The following CFAP52 variants were observed in gnomAD, a reference collection of about 807,000 sequenced individuals.
The protein encoded by CFAP52 is cilia- and flagella-associated protein 52.
CFAP52 carries 57 observed loss-of-function variants against 70.5 expected under a neutral mutation model. That is an observed-to-expected ratio of 0.81 (90% CI 0.65 to 1.01). The LOEUF is 1.01. Ranked by LOEUF, CFAP52 falls within the 50% of genes least tolerant of loss-of-function variation. The pLI, the probability that CFAP52 is intolerant of heterozygous loss-of-function variation, is 0.00. For missense variants in CFAP52, 785 were observed against 788.5 expected (o/e 1.00, Z 0.05); for synonymous variants, 267 against 292.5 (o/e 0.91, Z 0.89).
rs573788480 is a variant in CFAP52, at chr17:9,643,405, A to C, written c.*207A>C. ...TTCAAGAATAATTTGTGCAGACTCT[A>C]ATTAGAACTTTTAACATTTTGAATA... On this transcript the variant is annotated 3_prime_UTR_variant, in exon 14 of 14. Coordinates refer to ENST00000352665, the MANE Select transcript of CFAP52 (RefSeq NM_145054.5). 2 of 424,820 alleles carry C rather than the reference A, an allele frequency of 4.7e-6. No individual in the cohort carries two copies. Among genetic ancestry groups the C allele is most frequent in the East Asian group, 7.5e-5 (2 of 26,612 alleles). The allele number at this position is 424,820 out of a possible 1,614,324, so 26.3% of individuals were successfully genotyped here.
chr17:9,631,042 G>A (rs1352212441), intron 9 of CFAP52, among the ~76,000 whole-genome samples: 5 of 89,332 alleles, frequency 5.6e-5, no homozygotes, highest in African/African-American at 1.5e-4. Flanking sequence ...GAGAGAGAGA[G>A]AGAGAGAGAG....
chr17:9,605,494 A>G (rs1597780496), intron 6 of CFAP52, among the ~76,000 whole-genome samples: 2 of 151,980 alleles, frequency 1.3e-5, no homozygotes, highest in Non-Finnish European at 2.9e-5. Flanking sequence ...CGAGCAGATC[A>G]TGAGGTCAAG....
intron 3 of CFAP52, among the ~76,000 whole-genome samples, chr17:9,591,030 CTT>C (rs34888799): frequency 1.2e-3 from 92 of 76,766 alleles, no homozygotes; most frequent in African/African-American, 4.7e-3. Context: ...TTGCATGCAT[CTT>C]TTTTTTTTTT....
At chr17:9,591,509 A>T (rs1908760469) in intron 3 of CFAP52, among the ~76,000 whole-genome samples, 1 of 152,176 alleles carries the variant, frequency 6.6e-6, no homozygotes, top group African/African-American at 2.4e-5. Flanking sequence ...ATAGTATTCC[A>T]TTGTACAGAT....
chr17:9,593,214 A>AT (rs1174873140), intron 3 of CFAP52, among the ~76,000 whole-genome samples: 4 of 152,084 alleles, frequency 2.6e-5, no homozygotes, highest in African/African-American at 9.6e-5. Context: ...CCTCCCCAGC[A>AT]TTTTTTTGTA....
At chr17:9,596,924 G>A (rs1909044754) in intron 4 of CFAP52, among the ~76,000 whole-genome samples, 1 of 151,918 alleles carries the variant, frequency 6.6e-6, no homozygotes. Flanking sequence ...CACCATGTTG[G>A]CCAGGCTGGT....
At chr17:9,596,063 A>ATATATG (rs1555541614) in intron 4 of CFAP52, among the ~76,000 whole-genome samples, 2 of 48,982 alleles carry the variant, frequency 4.1e-5, no homozygotes, top group African/African-American at 1.6e-4. Flanking sequence ...GTGTGTGTAT[A>ATATATG]TATATATATA....
At chr17:9,600,693 T>C (rs11656370) in intron 6 of CFAP52, among the ~76,000 whole-genome samples, 30,194 of 152,084 alleles carry the variant, frequency 0.2, 3,286 homozygotes, top group East Asian at 0.45. Context: ...GCCTCCCAAG[T>C]AGCTGGGACT....
chr17:9,577,440 A>C (rs1258198812), intron 1 of CFAP52, among the ~76,000 whole-genome samples: 1 of 152,190 alleles, frequency 6.6e-6, no homozygotes, highest in Non-Finnish European at 1.5e-5. Context: ...CTGGGAAGAA[A>C]AAGCTGTGGG....
chr17:9,612,562 T>TA (rs1296931973), intron 8 of CFAP52, 83 bp downstream of exon 8: 2 of 1,432,064 alleles, frequency 1.4e-6, no homozygotes, highest in Admixed American at 2.2e-5. Context: ...TTTTCAATAT[T>TA]AATGAACATA....
At chr17:9,585,465 A>G (rs34343666) in intron 1 of CFAP52, among the ~76,000 whole-genome samples, 7,137 of 152,152 alleles carry the variant, frequency 0.047, 233 homozygotes, top group Non-Finnish European at 0.07. Flanking sequence ...TCAGCAGTTC[A>G]AGACCAGCCT....
At chr17:9,609,639 T>C (rs1026452086) in intron 7 of CFAP52, among the ~76,000 whole-genome samples, 7 of 152,130 alleles carry the variant, frequency 4.6e-5, no homozygotes, top group African/African-American at 1.7e-4. Flanking sequence ...AACCTCAAGG[T>C]TGAGGCTGGA....
chr17:9,631,089 A>G lies in CFAP52; in HGVS notation c.1175-1799A>G, dbSNP rs930782356. 1.0e-3 allele frequency among the ~76,000 whole-genome samples: 152 copies of G among 150,094 alleles called. 9 individuals carry two copies. The highest frequency in any genetic ancestry group is 3.6e-3 in the African/African-American group (146 of 40,156). ...AAGAAAGAAAGAAAGAAAGAGAAAG[A>G]AAGAAAGAGAAAGAAAGAACATAAG... On this transcript the variant is annotated intron_variant, in intron 9 of 13. Coordinates refer to ENST00000352665, the MANE Select transcript of CFAP52 (RefSeq NM_145054.5).
At chr17:9,597,478 C>A (rs760403031) in intron 4 of CFAP52, 1 of 152,034 alleles carries the variant, frequency 6.6e-6, no homozygotes, top group African/African-American at 2.4e-5. Context: ...ATGATGTACA[C>A]CATAAATATA....
At chr17:9,613,016 G>T (rs1221856063) in intron 8 of CFAP52, among the ~76,000 whole-genome samples, 5 of 152,126 alleles carry the variant, frequency 3.3e-5, no homozygotes, top group Non-Finnish European at 5.9e-5. Context: ...GGTAGGCTGG[G>T]CTAACCTAGG....
At chr17:9,622,186 T>C (rs576497750) in intron 8 of CFAP52, among the ~76,000 whole-genome samples, 15 of 152,312 alleles carry the variant, frequency 9.8e-5, no homozygotes, top group African/African-American at 3.1e-4. Context: ...CTCTCTCTCT[T>C]TTTAACACAT....
chr17:9,614,034 C>A (rs1044482841), intron 8 of CFAP52, among the ~76,000 whole-genome samples: 1 of 151,780 alleles, frequency 6.6e-6, no homozygotes, highest in East Asian at 1.9e-4. Context: ...AACTGTTTGG[C>A]CCTGGTGCTT....
At chr17:9,597,198 A>G (rs1180205186) in intron 4 of CFAP52, among the ~76,000 whole-genome samples, 1 of 152,132 alleles carries the variant, frequency 6.6e-6, no homozygotes, top group Non-Finnish European at 1.5e-5. Flanking sequence ...ACTTAACATA[A>G]TGTCCATCAG....
Position 9,643,116 on chromosome 17 carries a change from G to T in CFAP52, c.1781G>T (p.Arg594Leu), listed in dbSNP as rs779966953. ...CACAGTGGCAACATCACACGCATCC[G>T]CATAAGTCCAGGAAATCAATATATT... is the stretch of plus-strand genomic sequence containing the variant. ...VGHSGNITRI[R>L]ISPGNQYIVS... The change falls in exon 14 of 14, where the codon CGC becomes CTC. Residue 594 changes from arginine (R) to leucine (L), a missense_variant. Coordinates refer to ENST00000352665, the MANE Select transcript of CFAP52 (RefSeq NM_145054.5). The T allele has an allele frequency of 4.3e-6, 7 of 1,613,614 alleles. No homozygotes were observed. The highest frequency in any genetic ancestry group is 5.1e-6 in the Non-Finnish European group (6 of 1,179,794).
Sources: allele counts gnomAD v4.1 joint callset (sites outside exome capture counted in the v4.1 genomes callset), GRCh38; gene constraint gnomAD v4.1.1; transcripts MANE v1.5; gene names NCBI Gene and HGNC (gene_info 2026-07-23, HGNC 2026-07-21).